The following MS4A2 variants were observed in gnomAD, a reference collection of about 807,000 sequenced individuals.
MS4A2 encodes membrane spanning 4-domains A2, also known as high affinity immunoglobulin epsilon receptor subunit beta.
MS4A2 carries 26 observed loss-of-function variants against 27.9 expected under a neutral mutation model. The observed-to-expected ratio is 0.93, with a 90% CI of 0.68 to 1.29. MS4A2 has a LOEUF of 1.29. Among genes scored for constraint, MS4A2 ranks in the 50% most tolerant of loss-of-function variants. MS4A2 has a pLI of 0.00. For missense variants in MS4A2, 284 were observed against 284.6 expected (o/e 1.00, Z 0.01); for synonymous variants, 110 against 98.8 (o/e 1.11, Z -0.67).
At chr11:60,092,530 C>T (rs560589855) in intron 3 of MS4A2, among the ~76,000 whole-genome samples, 18 of 152,064 alleles carry the variant, frequency 1.2e-4, no homozygotes, top group East Asian at 3.9e-4. Context: ...TCATGACCTC[C>T]GGTGATTCCC....
At chr11:60,091,596 A>C (rs141075519) in intron 3 of MS4A2, among the ~76,000 whole-genome samples, 1 of 152,220 alleles carries the variant, frequency 6.6e-6, no homozygotes, top group South Asian at 2.1e-4. Context: ...ATTAACTTAC[A>C]TTTTTTAGAG....
intron 3 of MS4A2, among the ~76,000 whole-genome samples, chr11:60,091,373 A>G (rs1342786912): frequency 6.6e-6 from 1 of 152,180 alleles, no homozygotes; most frequent in East Asian, 1.9e-4. Context: ...TTAAAGGTCT[A>G]ATTGACATAT....
Position 60,089,832 on chromosome 11 carries a change from C to G in MS4A2, c.186+11C>G. 6.2e-7 allele frequency: 1 copy of G among 1,613,820 alleles called. No individual in the cohort carries two copies. Among genetic ancestry groups the G allele is most frequent in the Non-Finnish European group, 8.5e-7 (1 of 1,179,942 alleles). On this transcript the variant is annotated intron_variant, in intron 2 of 6. Coordinates refer to ENST00000278888, the MANE Select transcript of MS4A2 (RefSeq NM_000139.5). The stretch of plus-strand genomic sequence containing the variant: ...CAGGAGTTCCTGGGGGTGAGTGAGC[C>G]TCCTCCAACTTTGACTAGAGTAAGG...
rs1855898075 is a variant in MS4A2, at chr11:60,097,993, A to G, written c.*2337A>G. On this transcript the variant is annotated 3_prime_UTR_variant, in exon 7 of 7. Coordinates refer to ENST00000278888, the MANE Select transcript of MS4A2 (RefSeq NM_000139.5). ...TTCCATGGCATGGATGTTCACATAC[A>G]GACTCTTAACCCTGGTTTACCAGGA... 1 of 152,230 alleles carries G rather than the reference A, an allele frequency of 6.6e-6. No individual in the cohort carries two copies. The highest frequency in any genetic ancestry group is 2.4e-5 in the African/African-American group (1 of 41,462). The allele number at this position is 152,230 out of a possible 1,614,324, so 9.4% of individuals were successfully genotyped here.
In MS4A2 at chr11:60,090,508, G is replaced by A. The variant is rs766250708; in HGVS notation, c.321+38G>A. On this transcript the variant is annotated intron_variant, in intron 3 of 6. Transcript: ENST00000278888. ...CTATAATTGTTTCTGAAATAACACTGAACATAGGTTTTTCTCTTTCTCAGA... is the reference window on the plus strand; with the variant it reads ...CTATAATTGTTTCTGAAATAACACTAAACATAGGTTTTTCTCTTTCTCAGA... The A allele has an allele frequency of 2.6e-5, 42 of 1,599,228 alleles. 2 individuals carry two copies. In the South Asian group the frequency reaches 3.5e-4, roughly 14 times the overall value.
At position 60,090,320 on chromosome 11, in the gene MS4A2, A is replaced by T; in HGVS notation, c.187-16A>T. The T allele has an allele frequency of 6.2e-7, 1 of 1,611,304 alleles. No individual in the cohort carries two copies. The highest frequency in any genetic ancestry group is 8.5e-7 in the Non-Finnish European group (1 of 1,179,568). On this transcript the variant is annotated splice_polypyrimidine_tract_variant and intron_variant, in intron 2 of 6. Transcript: ENST00000278888. ...AATTTTTTTGATTTTCATGAAATTC[A>T]TGTGTTTTTCTATAGGTAACACAAA... is the stretch of plus-strand genomic sequence containing the variant.
At chr11:60,092,742 A>T in intron 3 of MS4A2, 50 bp from the exon 4 acceptor site, 1 of 1,557,474 alleles carries the variant, frequency 6.4e-7, no homozygotes, top group East Asian at 2.2e-5. Context: ...AAAAGGACAC[A>T]TTGAAAACAA....
chr11:60,090,590 A>T, intron 3 of MS4A2, 120 bp downstream of exon 3: 2 of 903,386 alleles, frequency 2.2e-6, no homozygotes, highest in Admixed American at 5.5e-5. Flanking sequence ...TTAATTATAA[A>T]TTATATGTGA....
chr11:60,091,633 G>A (rs925378808), intron 3 of MS4A2, among the ~76,000 whole-genome samples: 3 of 152,110 alleles, frequency 2.0e-5, no homozygotes, highest in Non-Finnish European at 4.4e-5. Flanking sequence ...TCTCTTTACT[G>A]TTTGTCTTCC....
rs756501057 is a variant in MS4A2, at chr11:60,093,577, G to A, written c.537+19G>A. 30 of 1,613,416 alleles carry A rather than the reference G, an allele frequency of 1.9e-5. No individual in the cohort carries two copies. The highest frequency in any genetic ancestry group is 5.0e-5 in the Admixed American group (3 of 59,968). On this transcript the variant is annotated intron_variant, in intron 5 of 6. Coordinates refer to ENST00000278888, the MANE Select transcript of MS4A2 (RefSeq NM_000139.5). ...TTCCACTGTATGTATTTTTTTTTGT[G>A]TGGGAAGACTAAGATTCTGGGTCCT... is the stretch of plus-strand genomic sequence containing the variant.
rs1451422877 is a variant in MS4A2, at chr11:60,088,838, A to AT, written c.56+24dup. 1.9e-6 allele frequency: 3 copies of AT among 1,603,784 alleles called. No individual in the cohort carries two copies. The highest frequency in any genetic ancestry group is 1.1e-5 in the South Asian group (1 of 89,642). ...GCCTTCCAGGTAGGTACAAGGTATT[A>AT]TTTTTTTCTACCCTCAGTCACTTAG... On this transcript the variant is annotated intron_variant, in intron 1 of 6. Coordinates refer to ENST00000278888, the MANE Select transcript of MS4A2 (RefSeq NM_000139.5).
chr11:60,088,528 A>T (rs1475177506), upstream of MS4A2: 1 of 1,156,540 alleles, frequency 8.6e-7, no homozygotes, highest in Non-Finnish European at 1.1e-6. Flanking sequence ...TTCTTATTTC[A>T]TATTAGTCTT....
intron 5 of MS4A2, 42 bp downstream of exon 5, chr11:60,093,600 C>G: frequency 1.2e-6 from 2 of 1,611,000 alleles, no homozygotes; most frequent in East Asian, 2.2e-5. Context: ...GATTCTGGGT[C>G]CTAATGTAAG....
Position 60,095,992 on chromosome 11 carries a change from CTT to C in MS4A2, c.*338_*339del, listed in dbSNP as rs1414704773. 3.7e-6 allele frequency: 1 copy of C among 273,734 alleles called. No homozygotes were observed. Among genetic ancestry groups the C allele is most frequent in the East Asian group, 9.5e-5 (1 of 10,574 alleles). The allele number at this position is 273,734 out of a possible 1,614,324, so 17.0% of individuals were successfully genotyped here. A position where few individuals can be genotyped will look rare whatever the true frequency, so the allele number is the denominator to read the frequency against. On this transcript the variant is annotated 3_prime_UTR_variant, in exon 7 of 7. Coordinates refer to ENST00000278888, the MANE Select transcript of MS4A2 (RefSeq NM_000139.5). Reference sequence around the variant, plus strand: ...AAGGCTGGCTGAAAGTTGAGTTAAACTTTGACAGTTTGATAATATTTGGTTCT... The same window carrying C: ...AAGGCTGGCTGAAAGTTGAGTTAAACTGACAGTTTGATAATATTTGGTTCT...
chr11:60,095,664 G>A lies in MS4A2; in HGVS notation c.*8G>A, dbSNP rs186704310. ...CCTCCCATTGATTTATAAGAATCAC[G>A]TGTCCAGAACACTCTGATTCACAGC... On this transcript the variant is annotated 3_prime_UTR_variant, in exon 7 of 7. Transcript: ENST00000278888. 28 of 1,573,578 alleles carry A rather than the reference G, an allele frequency of 1.8e-5. No homozygotes were observed. Among genetic ancestry groups the A allele is most frequent in the African/African-American group, 1.4e-4 (10 of 73,932 alleles).
At chr11:60,093,938 G>A in intron 5 of MS4A2, 26 bp from the exon 6 acceptor site, 4 of 1,570,412 alleles carry the variant, frequency 2.5e-6, no homozygotes, top group Non-Finnish European at 3.5e-6. Flanking sequence ...GACTCTTTTT[G>A]TTTGTCATTT....
chr11:60,094,930 G>A (rs1190205257), intron 6 of MS4A2, among the ~76,000 whole-genome samples: 3 of 152,142 alleles, frequency 2.0e-5, no homozygotes, highest in Non-Finnish European at 4.4e-5. Flanking sequence ...CAGGAGAATC[G>A]CTTGAGCCCA....
chr11:60,090,543 T>A (rs1855741796), intron 3 of MS4A2, 73 bp downstream of exon 3: 1 of 1,400,186 alleles, frequency 7.1e-7, no homozygotes, highest in Non-Finnish European at 1.0e-6. Flanking sequence ...ATCTAACCAG[T>A]TGTTTATTCC....
intron 1 of MS4A2, 138 bp downstream of exon 1, chr11:60,088,959 A>C: frequency 1.1e-6 from 1 of 895,306 alleles, no homozygotes; most frequent in Non-Finnish European, 1.8e-6. Context: ...GGGTATGAGG[A>C]AGCTACTTGC....
Sources: gnomAD v4.1 joint callset for allele counts (sites outside exome capture counted in the v4.1 genomes callset) on GRCh38, gnomAD v4.1.1 for gene constraint, MANE v1.5 for transcripts, NCBI Gene and HGNC (gene_info 2026-07-23, HGNC 2026-07-21) for gene names.